The following SAMD12 variants were observed in gnomAD, a reference collection of about 807,000 sequenced individuals.
SAMD12 encodes the protein sterile alpha motif domain-containing protein 12.
In SAMD12, 9 loss-of-function variants were observed where a neutral mutation model predicts 15.0. The ratio of observed to expected loss-of-function variants is 0.60; its 90% CI spans 0.36 to 1.05. The LOEUF is 1.05. SAMD12 is among the 50% of genes least tolerant of loss of function. SAMD12 has a pLI of 0.01. For missense variants in SAMD12, 230 were observed against 234.2 expected (o/e 0.98, Z 0.12); for synonymous variants, 86 against 90.1 (o/e 0.96, Z 0.25).
At chr8:118,220,217 G>C (rs1651769622) in intron 4 of SAMD12, among the ~76,000 whole-genome samples, 1 of 152,210 alleles carries the variant, frequency 6.6e-6, no homozygotes, top group Admixed American at 6.5e-5. Flanking sequence ...GGTGTGTACA[G>C]TTCCATCGTC....
chr8:118,239,200 AC>A (rs1812509039), intron 4 of SAMD12, among the ~76,000 whole-genome samples: 1 of 152,102 alleles, frequency 6.6e-6, no homozygotes, highest in Non-Finnish European at 1.5e-5. Flanking sequence ...ACCATGGATC[AC>A]CTAGTACATA....
intron 4 of SAMD12, among the ~76,000 whole-genome samples, chr8:118,323,131 G>A (rs1816371359): frequency 2.0e-5 from 3 of 152,152 alleles, no homozygotes; most frequent in Admixed American, 2.0e-4. Context: ...CTGTCAGACT[G>A]GAGTCCTAAA....
chr8:118,294,490 AC>A (rs1459146015), intron 4 of SAMD12, among the ~76,000 whole-genome samples: 1 of 152,118 alleles, frequency 6.6e-6, no homozygotes, highest in East Asian at 1.9e-4. Context: ...CTCCTCAATC[AC>A]CAATAGTTTT....
intron 2 of SAMD12, among the ~76,000 whole-genome samples, chr8:118,580,279 C>G (rs1430259053): frequency 6.6e-6 from 1 of 152,128 alleles, no homozygotes; most frequent in African/African-American, 2.4e-5. Flanking sequence ...TCATGCAGTA[C>G]TGGGGCTTTT....
chr8:118,461,821 G>A (rs1440404376), intron 2 of SAMD12, among the ~76,000 whole-genome samples: 1 of 152,168 alleles, frequency 6.6e-6, no homozygotes, highest in East Asian at 1.9e-4. Flanking sequence ...ACCCATCGGG[G>A]AAACATGCTC....
intron 2 of SAMD12, among the ~76,000 whole-genome samples, chr8:118,519,908 G>A (rs537952727): frequency 8.1e-4 from 123 of 152,194 alleles, no homozygotes; most frequent in South Asian, 1.4e-3. Flanking sequence ...AGCTATAAGA[G>A]TACCTTTAAG....
Position 118,231,595 on chromosome 8 carries a change from T to C in SAMD12, c.434-33863A>G, listed in dbSNP as rs567766847. ...TGAGAATACAGTCCTATATCACAGC[T>C]TGGAGTATATTAAGGTGATGTTTTA... On this transcript the variant is annotated intron_variant, in intron 4 of 4. Coordinates refer to the SAMD12 transcript ENST00000409003. Among the ~76,000 whole-genome samples the C allele has an allele frequency of 2.5e-3, 375 of 152,312 alleles. 1 individual carries two copies. Among genetic ancestry groups the C allele is most frequent in the African/African-American group, 8.7e-3 (360 of 41,570 alleles).
chr8:118,527,340 G>A (rs1825561599), intron 2 of SAMD12, among the ~76,000 whole-genome samples: 1 of 152,188 alleles, frequency 6.6e-6, no homozygotes, highest in Non-Finnish European at 1.5e-5. Flanking sequence ...GACACCAACT[G>A]TGAATGCAAT....
At chr8:118,567,277 G>C (rs1031358140) in intron 2 of SAMD12, among the ~76,000 whole-genome samples, 3 of 152,000 alleles carry the variant, frequency 2.0e-5, no homozygotes, top group Non-Finnish European at 2.9e-5. Context: ...TTGAAGATAA[G>C]TCAAAAATAG....
chr8:118,550,512 A>G (rs1205225618), intron 2 of SAMD12, among the ~76,000 whole-genome samples: 2 of 152,234 alleles, frequency 1.3e-5, no homozygotes, highest in Non-Finnish European at 2.9e-5. Context: ...CTGCCCTAAA[A>G]GAGCTCCTGA....
chr8:118,541,111 A>T (rs1825972782), intron 2 of SAMD12, among the ~76,000 whole-genome samples: 1 of 152,146 alleles, frequency 6.6e-6, no homozygotes, highest in African/African-American at 2.4e-5. Context: ...TCGGTACTAT[A>T]TTGTACCTAT....
intron 4 of SAMD12, chr8:118,284,712 G>GATA: frequency 5.9e-6 from 1 of 169,038 alleles, no homozygotes; most frequent in South Asian, 1.4e-4. Context: ...GGAGGCCAAG[G>GATA]CGGGCAGATC....
intron 4 of SAMD12, among the ~76,000 whole-genome samples, chr8:118,324,836 G>C (rs113008051): frequency 0.013 from 1,962 of 152,276 alleles, 38 homozygotes; most frequent in African/African-American, 0.042. Flanking sequence ...TGCAGTAAGC[G>C]GAGGTCATGT....
chr8:118,199,302 C>G (rs981696653), intron 4 of SAMD12, among the ~76,000 whole-genome samples: 1 of 152,122 alleles, frequency 6.6e-6, no homozygotes, highest in Non-Finnish European at 1.5e-5. Flanking sequence ...AAAATAAATA[C>G]TTTGTAATTT....
At chr8:118,244,448 C>T (rs1812642073) in intron 4 of SAMD12, among the ~76,000 whole-genome samples, 1 of 152,138 alleles carries the variant, frequency 6.6e-6, no homozygotes, top group Admixed American at 6.5e-5. Flanking sequence ...ATATATCTGT[C>T]TTCTTCCATT....
At chr8:118,444,125 A>G (rs1461085076) in intron 2 of SAMD12, among the ~76,000 whole-genome samples, 1 of 152,166 alleles carries the variant, frequency 6.6e-6, no homozygotes, top group Non-Finnish European at 1.5e-5. Flanking sequence ...AGCCTAAATA[A>G]TAATAGTCCA....
intron 1 of SAMD12, among the ~76,000 whole-genome samples, chr8:118,594,402 G>T (rs1235290303): frequency 1.3e-5 from 2 of 151,998 alleles, no homozygotes; most frequent in African/African-American, 4.8e-5. Flanking sequence ...GAGTTTTAAT[G>T]TTAGCAAAAG....
chr8:118,407,624 A>C (rs1563836562), intron 3 of SAMD12, among the ~76,000 whole-genome samples: 1 of 152,146 alleles, frequency 6.6e-6, no homozygotes, highest in Non-Finnish European at 1.5e-5. Context: ...ACCAACTAGG[A>C]ATCTCCTCCT....
chr8:118,588,752 T>C (rs1306813271), intron 1 of SAMD12, among the ~76,000 whole-genome samples: 1 of 152,164 alleles, frequency 6.6e-6, no homozygotes, highest in Non-Finnish European at 1.5e-5. Context: ...CAGCCTCCTT[T>C]ACTCTAGCAA....
Sources: allele counts gnomAD v4.1 joint callset (sites outside exome capture counted in the v4.1 genomes callset), GRCh38; gene constraint gnomAD v4.1.1; transcripts MANE v1.5; gene names NCBI Gene and HGNC (gene_info 2026-07-23, HGNC 2026-07-21).